The following KLF12 variants were observed in gnomAD, a reference collection of about 807,000 sequenced individuals.
KLF12 encodes the protein Krueppel-like factor 12.
A neutral mutation model predicts 37.8 loss-of-function variants in KLF12; 9 were observed. The ratio of observed to expected loss-of-function variants is 0.24; its 90% CI spans 0.14 to 0.42. KLF12 has a LOEUF of 0.42. KLF12 is among the 10% of genes least tolerant of loss of function. The pLI is 1.00. For synonymous variants in KLF12, 208 were observed against 202.1 expected (o/e 1.03, Z -0.25); for missense variants, 411 against 516.0 (o/e 0.80, Z 1.97).
chr13:74,189,884 T>TA, the KLF12 span, among the ~76,000 whole-genome samples: 948 of 152,326 alleles, frequency 6.2e-3, 9 homozygotes, highest in African/African-American at 0.019. Context: ...CTTTAAACAT[T>TA]AAAAAACATT....
intron 5 of KLF12, among the ~76,000 whole-genome samples, chr13:73,768,924 C>G (rs926747335): frequency 2.3e-5 from 1 of 43,260 alleles, no homozygotes; most frequent in African/African-American, 6.0e-5. Flanking sequence ...ATATTCCCTC[C>G]ACCCAGCCCA....
rs58416242 is a variant in KLF12, at chr13:73,777,719, GA to G, written c.807-12720del. 7.2e-3 allele frequency among the ~76,000 whole-genome samples: 1,044 copies of G among 144,802 alleles called. 3 individuals carry two copies. Among genetic ancestry groups the G allele is most frequent in the Non-Finnish European group, 0.012 (802 of 65,396 alleles). The allele number at this position is 144,802 out of a possible 152,430, so 95.0% of individuals were successfully genotyped here. On this transcript the variant is annotated intron_variant, in intron 5 of 7. Transcript: ENST00000377669. ...ATGAAACTCCATTTCAAAAAAAAAA[GA>G]AAAAAAAAAGAATTCAATGGCAAAC...
chr13:74,221,110 T>C, the KLF12 span, among the ~76,000 whole-genome samples: 1 of 151,346 alleles, frequency 6.6e-6, no homozygotes, highest in African/African-American at 2.4e-5. Flanking sequence ...GTTCACGCCA[T>C]TCTCCTGCCT....
Position 73,846,398 on chromosome 13 carries a change from T to C in KLF12, c.124-25A>G, listed in dbSNP as rs1408530968. On this transcript the variant is annotated intron_variant, in intron 3 of 7. Transcript: ENST00000377669. The stretch of plus-strand genomic sequence containing the variant: ...ACTGTGGGGAGAAAAATGGAACATA[T>C]ATTTATCTTTGTTTATCACACATTT... 3 of 1,574,148 alleles carry C rather than the reference T, an allele frequency of 1.9e-6. No individual in the cohort carries two copies. In the South Asian group the frequency reaches 3.5e-5, roughly 18 times the overall value.
chr13:73,883,042 C>A (rs1887055033), intron 3 of KLF12, among the ~76,000 whole-genome samples: 1 of 152,128 alleles, frequency 6.6e-6, no homozygotes, highest in Non-Finnish European at 1.5e-5. Context: ...CTAATCTAAT[C>A]ATTGTGAGGA....
At chr13:74,134,933 G>T (rs1878486798), upstream of KLF12, among the ~76,000 whole-genome samples, 1 of 151,880 alleles carries the variant, frequency 6.6e-6, no homozygotes, top group South Asian at 2.1e-4. Context: ...GGAAAGGTGT[G>T]GGCGGAGCCG....
chr13:73,816,348 G>A (rs1883218572), intron 4 of KLF12, among the ~76,000 whole-genome samples: 1 of 152,138 alleles, frequency 6.6e-6, no homozygotes, highest in Non-Finnish European at 1.5e-5. Context: ...AAGAGAACAG[G>A]AGATGATCTA....
chr13:73,918,270 A>G (rs1206806601), intron 3 of KLF12, among the ~76,000 whole-genome samples: 1 of 152,118 alleles, frequency 6.6e-6, no homozygotes, highest in East Asian at 1.9e-4. Context: ...TTCCCCAAAT[A>G]TTCCTCCTTT....
chr13:74,185,030 A>T, the KLF12 span, among the ~76,000 whole-genome samples: 4 of 152,174 alleles, frequency 2.6e-5, no homozygotes, highest in African/African-American at 9.6e-5. Flanking sequence ...GCCTCTTTAA[A>T]TCAGGTACTG....
the KLF12 span, among the ~76,000 whole-genome samples, chr13:74,221,322 T>TA: frequency 6.6e-6 from 1 of 152,200 alleles, no homozygotes; most frequent in Non-Finnish European, 1.5e-5. Flanking sequence ...TAGTCTTTTT[T>TA]AAAAATAAGG....
chr13:74,175,686 G>T, the KLF12 span, among the ~76,000 whole-genome samples: 1 of 152,076 alleles, frequency 6.6e-6, no homozygotes, highest in Non-Finnish European at 1.5e-5. Flanking sequence ...AATCTACCTG[G>T]GTTGGAATTT....
At chr13:74,118,844 C>A (rs113272061) in intron 1 of KLF12, among the ~76,000 whole-genome samples, 17 of 151,784 alleles carry the variant, frequency 1.1e-4, no homozygotes, top group African/African-American at 4.1e-4. Flanking sequence ...AGAACAAAGA[C>A]TACAAAGAGA....
intron 7 of KLF12, among the ~76,000 whole-genome samples, chr13:73,700,328 A>T (rs148705633): frequency 1.1e-3 from 163 of 151,784 alleles, no homozygotes; most frequent in African/African-American, 3.8e-3. Context: ...AAAAAAATTT[A>T]TAAGCTATTT....
chr13:74,117,909 TAAC>T (rs1877402348), intron 1 of KLF12, among the ~76,000 whole-genome samples: 2 of 152,166 alleles, frequency 1.3e-5, no homozygotes, highest in African/African-American at 4.8e-5. Context: ...TTAACAGGTG[TAAC>T]AACTCAAAGC....
intron 3 of KLF12, among the ~76,000 whole-genome samples, chr13:73,932,657 T>C (rs550237068): frequency 2.6e-4 from 39 of 152,312 alleles, no homozygotes; most frequent in African/African-American, 8.9e-4. Flanking sequence ...TGACCAGGGA[T>C]TATGTTTGCC....
chr13:73,924,776 C>A (rs2139240666), intron 3 of KLF12, among the ~76,000 whole-genome samples: 1 of 152,312 alleles, frequency 6.6e-6, no homozygotes, highest in African/African-American at 2.4e-5. Flanking sequence ...CAAATAGCCA[C>A]ACTGTGAATG....
chr13:73,806,722 G>C (rs148576287), intron 5 of KLF12, among the ~76,000 whole-genome samples: 2 of 151,102 alleles, frequency 1.3e-5, no homozygotes, highest in Non-Finnish European at 2.9e-5. Flanking sequence ...CCAGGCCTCC[G>C]CTTCTTTATC....
the KLF12 span, among the ~76,000 whole-genome samples, chr13:74,262,724 G>A: frequency 6.6e-6 from 1 of 152,094 alleles, no homozygotes. Context: ...AGATGTAGAG[G>A]ATCAACTGTA....
chr13:73,708,990 T>C (rs1190933006), intron 7 of KLF12, among the ~76,000 whole-genome samples: 1 of 152,180 alleles, frequency 6.6e-6, no homozygotes, highest in Non-Finnish European at 1.5e-5. Flanking sequence ...TGAGATATAT[T>C]TTTTCCTTTT....
Sources: gnomAD v4.1 joint callset for allele counts (sites outside exome capture counted in the v4.1 genomes callset) on GRCh38, gnomAD v4.1.1 for gene constraint, MANE v1.5 for transcripts, NCBI Gene and HGNC (gene_info 2026-07-23, HGNC 2026-07-21) for gene names.